The following ZNF267 variants were observed in gnomAD, a reference collection of about 807,000 sequenced individuals.
The protein encoded by ZNF267 is zinc finger (C2H2).
Under a neutral mutation model 71.6 loss-of-function variants are expected in ZNF267, and 61 were observed. The observed-to-expected ratio is 0.85, with a 90% CI of 0.69 to 1.05. The LOEUF (loss-of-function observed/expected upper bound fraction) is 1.05, where lower values mean the gene tolerates loss of function less well. Ranked by LOEUF, ZNF267 falls within the 50% of genes least tolerant of loss-of-function variation. ZNF267 has a pLI of 0.00. For missense variants in ZNF267, 852 were observed against 870.0 expected, an observed-to-expected ratio of 0.98 and a Z score of 0.26; for synonymous variants, 288 against 293.2, an observed-to-expected ratio of 0.98 and a Z score of 0.18.
intron 3 of ZNF267, chr16:31,894,559 C>T (rs1335963838): frequency 9.9e-6 from 5 of 506,298 alleles, no homozygotes; most frequent in African/African-American, 2.0e-5. Flanking sequence ...TGCTCATAAT[C>T]GCGCTCTCAC....
In ZNF267 at chr16:31,914,988, A is replaced by G. The variant is rs1175326686; in HGVS notation, c.739A>G (p.Lys247Glu). 1 of 1,609,236 alleles carries G rather than the reference A, an allele frequency of 6.2e-7. No individual in the cohort carries two copies. The highest frequency in any genetic ancestry group is 8.5e-7 in the Non-Finnish European group (1 of 1,178,778). ...TTTTCTAGAAAAACAATACAAATGT[A>G]AAGAATTTGAGGAAGTCTTTCTTCA... ...NYFLEKQYKC[K>E]EFEEVFLQSM... Residue 247 changes from lysine (K) to glutamate (E), a missense_variant, in exon 4 of 4, where the codon AAA becomes GAA. Physicochemically the swap from Lys to Glu is moderately conservative, Grantham distance 56 (BLOSUM62 1). Coordinates refer to ENST00000300870, the MANE Select transcript of ZNF267 (RefSeq NM_003414.6).
chr16:31,914,300 T>A, intron 3 of ZNF267, 176 bp from the exon 4 acceptor site: 1 of 582,830 alleles, frequency 1.7e-6, no homozygotes, highest in Non-Finnish European at 2.9e-6. Flanking sequence ...GTCTTAGTAG[T>A]TCACGTGCCA....
At position 31,916,352 on chromosome 16, in the gene ZNF267, A is replaced by T. The variant is rs1045139622; in HGVS notation, c.2103A>T (p.Ser701=). 4 of 1,613,942 alleles carry T rather than the reference A, an allele frequency of 2.5e-6. No homozygotes were observed. In the African/African-American group the frequency reaches 5.3e-5, roughly 22 times the overall value. The change falls in exon 4 of 4, where the codon TCA becomes TCT. Residue 701 remains serine, a synonymous_variant. Transcript: ENST00000300870. ...DECGKAFSYR[S]YLTTHRRSHS... ...GTGGTAAAGCCTTCAGCTATAGGTC[A>T]TACCTCACTACACATCGGAGAAGTC...
At chr16:31,897,762 A>G (rs1031267480) in intron 3 of ZNF267, among the ~76,000 whole-genome samples, 1 of 152,162 alleles carries the variant, frequency 6.6e-6, no homozygotes, top group African/African-American at 2.4e-5. Flanking sequence ...TAATTTCTAC[A>G]TATTTGTAGA....
intron 3 of ZNF267, among the ~76,000 whole-genome samples, chr16:31,893,298 G>C (rs2083974058): frequency 2.0e-5 from 3 of 152,222 alleles, no homozygotes; most frequent in African/African-American, 7.2e-5. Context: ...GCAGCATGGG[G>C]ACCCTGGGCC....
intron 1 of ZNF267, among the ~76,000 whole-genome samples, chr16:31,882,409 C>T (rs1469655233): frequency 1.3e-5 from 2 of 152,186 alleles, no homozygotes; most frequent in African/African-American, 4.8e-5. Flanking sequence ...TGTGCTGTGT[C>T]TGCTTCCTCT....
Position 31,915,333 on chromosome 16 carries a change from A to G in ZNF267, c.1084A>G (p.Asn362Asp). 1 of 1,613,852 alleles carries G rather than the reference A, an allele frequency of 6.2e-7. No individual in the cohort carries two copies. The highest frequency in any genetic ancestry group is 8.5e-7 in the Non-Finnish European group (1 of 1,179,904). ...AGAATGTGGCAAGGTCTTTAACCTT[A>G]ACTGTAGTTTATACCTTACTAAACA... is the stretch of plus-strand genomic sequence containing the variant. Reference protein sequence around the residue: ...WKECGKVFNLNCSLYLTKQQQ... With the variant: ...WKECGKVFNLDCSLYLTKQQQ... The change falls in exon 4 of 4, where the codon AAC (asparagine) becomes GAC (aspartate). Residue 362 changes from asparagine (N) to aspartate (D), a missense_variant. Transcript: ENST00000300870.
At chr16:31,899,636 A>C (rs1315715098) in intron 3 of ZNF267, among the ~76,000 whole-genome samples, 3 of 152,164 alleles carry the variant, frequency 2.0e-5, no homozygotes, top group Admixed American at 1.3e-4. Context: ...GAGAAGCAAG[A>C]GGAAAAAATC....
chr16:31,905,490 T>C (rs959364021), intron 3 of ZNF267, among the ~76,000 whole-genome samples: 1 of 152,202 alleles, frequency 6.6e-6, no homozygotes, highest in Non-Finnish European at 1.5e-5. Context: ...CGTTTCTTTT[T>C]ATTCTTTTTT....
chr16:31,885,096 A>T, intron 2 of ZNF267, 65 bp from the exon 3 acceptor site: 1 of 1,373,674 alleles, frequency 7.3e-7, no homozygotes, highest in South Asian at 1.5e-5. Flanking sequence ...GCCAAAAAAA[A>T]GTATAAAAAT....
chr16:31,882,645 A>G (rs1354861489), intron 1 of ZNF267, among the ~76,000 whole-genome samples: 2 of 152,200 alleles, frequency 1.3e-5, no homozygotes, highest in Non-Finnish European at 1.5e-5. Flanking sequence ...ACCAGTTTGA[A>G]GATCTATGGT....
chr16:31,894,886 G>T (rs2083986611), intron 3 of ZNF267: 4 of 396,296 alleles, frequency 1.0e-5, no homozygotes, highest in South Asian at 2.4e-5. Context: ...TCTCTTTCAT[G>T]ACCAACCTCG....
At chr16:31,905,108 T>C (rs1475868944) in intron 3 of ZNF267, among the ~76,000 whole-genome samples, 1 of 152,206 alleles carries the variant, frequency 6.6e-6, no homozygotes, top group Non-Finnish European at 1.5e-5. Context: ...ATGTTGAATA[T>C]TGGCCCCCAC....
chr16:31,894,833 G>T, intron 3 of ZNF267: 1 of 475,070 alleles, frequency 2.1e-6, no homozygotes, highest in South Asian at 1.7e-5. Flanking sequence ...TAAGTGCCGT[G>T]AACTCCTGTG....
At chr16:31,902,687 T>G (rs2084051726) in intron 3 of ZNF267, among the ~76,000 whole-genome samples, 1 of 152,208 alleles carries the variant, frequency 6.6e-6, no homozygotes, top group Non-Finnish European at 1.5e-5. Flanking sequence ...TTAAGGAGAT[T>G]TTGGGCTGAG....
chr16:31,891,361 T>C (rs1206752874), intron 3 of ZNF267, among the ~76,000 whole-genome samples: 1 of 152,268 alleles, frequency 6.6e-6, no homozygotes, highest in Non-Finnish European at 1.5e-5. Flanking sequence ...TAAAAGTGAT[T>C]TGTACACTAA....
chr16:31,897,488 C>G (rs372829408), intron 3 of ZNF267, among the ~76,000 whole-genome samples: 33 of 152,220 alleles, frequency 2.2e-4, no homozygotes, highest in South Asian at 1.2e-3. Context: ...TTGAGTACCA[C>G]ACTGTTTTGA....
At chr16:31,883,857 C>G (rs1157797208) in intron 1 of ZNF267, among the ~76,000 whole-genome samples, 2 of 152,180 alleles carry the variant, frequency 1.3e-5, no homozygotes, top group Non-Finnish European at 2.9e-5. Flanking sequence ...GAAGCATTAA[C>G]ACTACTGGTG....
At chr16:31,897,742 T>C (rs1033167414) in intron 3 of ZNF267, among the ~76,000 whole-genome samples, 15 of 152,154 alleles carry the variant, frequency 9.9e-5, no homozygotes, top group African/African-American at 3.6e-4. Flanking sequence ...TTTGTGTGTT[T>C]GAGACTGTTT....
Sources: allele counts gnomAD v4.1 joint callset (sites outside exome capture counted in the v4.1 genomes callset), GRCh38; gene constraint gnomAD v4.1.1; transcripts MANE v1.5; gene names NCBI Gene and HGNC (gene_info 2026-07-23, HGNC 2026-07-21).